The following MLIP variants were observed in gnomAD, a reference collection of about 807,000 sequenced individuals.
MLIP encodes the protein muscular LMNA-interacting protein.
Under a neutral mutation model 84.8 loss-of-function variants are expected in MLIP, and 79 were observed. That is an observed-to-expected ratio of 0.93 (90% CI 0.78 to 1.12). The LOEUF is 1.12. Ranked by LOEUF, MLIP falls within the 50% of genes most tolerant of loss-of-function variation. The pLI, the probability that MLIP is intolerant of heterozygous loss-of-function variation, is 0.00. For synonymous variants in MLIP, 504 were observed against 463.0 expected (o/e 1.09, Z -1.14); for missense variants, 1,257 against 1,160.6 (o/e 1.08, Z -1.21).
At chr6:54,248,041 G>C (rs904249518) in intron 12 of MLIP, among the ~76,000 whole-genome samples, 5 of 152,180 alleles carry the variant, frequency 3.3e-5, no homozygotes, top group Admixed American at 3.3e-4. Flanking sequence ...CCTTGGATGG[G>C]ATTAACGCAG....
At chr6:54,087,231 G>A (rs1767556104) in intron 1 of MLIP, among the ~76,000 whole-genome samples, 1 of 152,162 alleles carries the variant, frequency 6.6e-6, no homozygotes, top group Admixed American at 6.6e-5. Context: ...ACAACCTATA[G>A]CTGTGCCTCT....
At chr6:54,116,427 C>A (rs1226762116) in intron 1 of MLIP, among the ~76,000 whole-genome samples, 1 of 152,086 alleles carries the variant, frequency 6.6e-6, no homozygotes, top group Non-Finnish European at 1.5e-5. Flanking sequence ...ATAATTTATA[C>A]CACAGAAATA....
At position 54,160,531 on chromosome 6, in the gene MLIP, C is replaced by T. The variant is rs776324543; in HGVS notation, c.2371C>T (p.Gln791Ter). 4 of 1,612,418 alleles carry T rather than the reference C, an allele frequency of 2.5e-6. No individual in the cohort carries two copies. The highest frequency in any genetic ancestry group is 3.4e-6 in the Non-Finnish European group (4 of 1,179,160). ...ATTCTTCCAGCTCTATTTTCCTGCA[C>T]AGCTCAGGCAGCAAACTGAAGAGCT... is the stretch of plus-strand genomic sequence containing the variant. ...EPPVELYFPA[Q>*]LRQQTEELCA... Residue 791 changes from glutamine to a stop codon, truncating the protein, a stop_gained, in exon 7 of 14, where the codon CAG becomes TAG. Transcript: ENST00000502396. LOFTEE classifies it high-confidence loss of function.
intron 1 of MLIP, among the ~76,000 whole-genome samples, chr6:54,106,386 C>T (rs992262664): frequency 2.0e-5 from 3 of 152,036 alleles, no homozygotes; most frequent in Admixed American, 6.5e-5. Context: ...GACAGGGATA[C>T]GGATGGTTCA....
intron 12 of MLIP, among the ~76,000 whole-genome samples, chr6:54,251,772 A>T (rs1375914821): frequency 4.0e-5 from 4 of 99,328 alleles, no homozygotes; most frequent in Non-Finnish European, 7.0e-5. Context: ...ATATAAATAT[A>T]TATTATAACA....
chr6:54,081,869 C>A (rs1767180995), intron 1 of MLIP, among the ~76,000 whole-genome samples: 1 of 152,096 alleles, frequency 6.6e-6, no homozygotes, highest in Non-Finnish European at 1.5e-5. Flanking sequence ...GTGCTTCTGT[C>A]ACATTTTTCA....
chr6:54,216,995 G>T lies in MLIP; in HGVS notation c.2719-13719G>T. 9.1e-6 allele frequency: 9 copies of T among 985,386 alleles called. 1 individual carries two copies. In the Middle Eastern group the frequency reaches 3.7e-3, roughly 400 times the overall value. The allele number at this position is 985,386 out of a possible 1,614,324, so 61.0% of individuals were successfully genotyped here. Reference sequence around the variant, plus strand: ...TTTAAATTAAAACTGTAGCAAAAATGCTATGGCTCTGATTTTAAACTGCTG... The same window carrying T: ...TTTAAATTAAAACTGTAGCAAAAATTCTATGGCTCTGATTTTAAACTGCTG... On this transcript the variant is annotated intron_variant, in intron 11 of 13. Coordinates refer to ENST00000502396, the MANE Select transcript of MLIP (RefSeq NM_001281747.2).
At chr6:54,188,591 TC>T (rs1448869269) in intron 9 of MLIP, among the ~76,000 whole-genome samples, 2 of 152,094 alleles carry the variant, frequency 1.3e-5, no homozygotes, top group Non-Finnish European at 2.9e-5. Flanking sequence ...TCCACTATAG[TC>T]TTATGGGACC....
At chr6:54,213,277 G>A (rs2150747782) in intron 11 of MLIP, among the ~76,000 whole-genome samples, 1 of 152,210 alleles carries the variant, frequency 6.6e-6, no homozygotes, top group South Asian at 2.1e-4. Context: ...AGAACAAAAG[G>A]TCAGTATATT....
intron 1 of MLIP, chr6:54,083,626 A>C: frequency 6.5e-7 from 1 of 1,535,934 alleles, no homozygotes; most frequent in Non-Finnish European, 8.7e-7. Context: ...TGTGAGTTCT[A>C]TGACATTATT....
chr6:54,100,191 G>A (rs1768538151), intron 1 of MLIP, among the ~76,000 whole-genome samples: 1 of 152,116 alleles, frequency 6.6e-6, no homozygotes, highest in Admixed American at 6.6e-5. Flanking sequence ...TCTTACAAAA[G>A]CTGTAAGTGT....
intron 1 of MLIP, among the ~76,000 whole-genome samples, chr6:54,074,373 T>A (rs1295481552): frequency 2.6e-5 from 4 of 152,148 alleles, no homozygotes; most frequent in Admixed American, 2.0e-4. Flanking sequence ...GGACTGCTTT[T>A]CTTTTCTTGA....
chr6:54,093,481 G>A (rs544582102), intron 1 of MLIP, among the ~76,000 whole-genome samples: 70 of 152,136 alleles, frequency 4.6e-4, no homozygotes, highest in African/African-American at 1.6e-3. Flanking sequence ...ATCTAGGCTA[G>A]CAGCTGTGTT....
chr6:54,215,205 A>T (rs1345729069), intron 11 of MLIP: 24 of 1,534,516 alleles, frequency 1.6e-5, no homozygotes, highest in Non-Finnish European at 1.9e-5. Context: ...TCCTCTGATC[A>T]TTGAGGAACC....
chr6:54,194,252 A>G (rs1051484198), intron 10 of MLIP, among the ~76,000 whole-genome samples: 9 of 152,264 alleles, frequency 5.9e-5, no homozygotes, highest in African/African-American at 2.2e-4. Flanking sequence ...TCTGTTGTTC[A>G]GAAAATGCAG....
intron 10 of MLIP, among the ~76,000 whole-genome samples, chr6:54,196,257 T>C (rs1001022904): frequency 6.6e-6 from 1 of 152,146 alleles, no homozygotes; most frequent in African/African-American, 2.4e-5. Flanking sequence ...GGTAAAAATG[T>C]GCCATGGTGA....
In MLIP at chr6:54,068,417, G is replaced by A. The variant is rs1221935742; in HGVS notation, c.63+49326G>A. ...CTCCCAAAGTTCTGTCATAACAGGC[G>A]AGCCACTGCACCCCACCCAGCTTCT... On this transcript the variant is annotated intron_variant, in intron 1 of 12. Transcript: ENST00000274897. Among the ~76,000 whole-genome samples the A allele has an allele frequency of 3.0e-5, 3 of 98,520 alleles. 1 individual carries two copies. In the East Asian group the frequency reaches 8.2e-4, roughly 27 times the overall value. 64.6% of individuals were successfully genotyped at this position (98,520 alleles called of 152,430 possible).
chr6:54,217,849 T>C (rs1779955300), intron 11 of MLIP: 1 of 985,320 alleles, frequency 1.0e-6, no homozygotes, highest in Non-Finnish European at 1.2e-6. Context: ...ATATATTGCA[T>C]GCTAAAGCAG....
At chr6:54,264,985 G>A (rs952175792) in intron 13 of MLIP, among the ~76,000 whole-genome samples, 4 of 152,058 alleles carry the variant, frequency 2.6e-5, no homozygotes, top group Non-Finnish European at 5.9e-5. Context: ...CATTCACCTT[G>A]CACATAGGAG....
Sources: gnomAD v4.1 joint callset for allele counts (sites outside exome capture counted in the v4.1 genomes callset) on GRCh38, gnomAD v4.1.1 for gene constraint, MANE v1.5 for transcripts, NCBI Gene and HGNC (gene_info 2026-07-23, HGNC 2026-07-21) for gene names.